CIBAR1: variants seen among roughly 807,000 people sequenced by gnomAD.
CIBAR1 encodes the protein CBY1-interacting BAR domain-containing protein 1.
CIBAR1 carries 25 observed loss-of-function variants against 44.0 expected under a neutral mutation model. The ratio of observed to expected loss-of-function variants is 0.57; its 90% CI spans 0.41 to 0.79. The LOEUF (loss-of-function observed/expected upper bound fraction) is 0.79, where lower values mean the gene tolerates loss of function less well. Among genes scored for constraint, CIBAR1 ranks in the 30% least tolerant of loss-of-function variants. The probability of loss-of-function intolerance (pLI) is 0.00; values close to 1 mark genes in which losing one functional copy is unlikely to be tolerated. For synonymous variants in CIBAR1, 115 were observed against 119.0 expected (o/e 0.97, Z 0.22); for missense variants, 278 against 344.8 (o/e 0.81, Z 1.53).
At chr8:93,704,856 C>A in intron 3 of CIBAR1, 53 bp from the exon 4 acceptor site, 3 of 1,096,982 alleles carry the variant, frequency 2.7e-6, no homozygotes, top group Non-Finnish European at 4.0e-6. Context: ...ATTCTTAAAA[C>A]TGAATTTTCT....
intron 4 of CIBAR1, chr8:93,706,208 C>T (rs1441159590): frequency 6.6e-6 from 1 of 152,126 alleles, no homozygotes. Flanking sequence ...TACAGAAGCC[C>T]AACTTTGTAC....
At chr8:93,710,822 G>A in intron 6 of CIBAR1, among the ~76,000 whole-genome samples, 1 of 141,866 alleles carries the variant, frequency 7.0e-6, no homozygotes, top group South Asian at 2.4e-4. Flanking sequence ...GGGTGACAGA[G>A]CGAGACTCTG....
Position 93,704,930 on chromosome 8 carries a change from A to C in CIBAR1, c.352A>C (p.Thr118Pro), listed in dbSNP as rs746802290. ...GCAGGATGACCTCAAAGCAACACTCACAGCAAGGAATCGAGAAGCTAAGCA... is the reference window on the plus strand; with the variant it reads ...GCAGGATGACCTCAAAGCAACACTCCCAGCAAGGAATCGAGAAGCTAAGCA... ...MKRDDLKATL[T>P]ARNREAKQLT... The change falls in exon 4 of 9, where the codon ACA becomes CCA. Residue 118 changes from threonine (T) to proline (P), a missense_variant. Thr to Pro is a conservative substitution (Grantham distance 38, BLOSUM62 -1). Transcript: ENST00000518322. The C allele has an allele frequency of 1.9e-5, 30 of 1,607,426 alleles. No individual in the cohort carries two copies. Among genetic ancestry groups the C allele is most frequent in the Non-Finnish European group, 2.4e-5 (28 of 1,177,766 alleles).
At position 93,701,221 on chromosome 8, in the gene CIBAR1, T is replaced by A; in HGVS notation, c.27-3T>A. The A allele has an allele frequency of 6.2e-7, 1 of 1,611,744 alleles. No individual in the cohort carries two copies. The highest frequency in any genetic ancestry group is 8.5e-7 in the Non-Finnish European group (1 of 1,178,880). On this transcript the variant is annotated splice_region_variant and splice_polypyrimidine_tract_variant and intron_variant, in intron 1 of 8. Coordinates refer to ENST00000518322, the MANE Select transcript of CIBAR1 (RefSeq NM_145269.5). ...TTTGCCTTTTGTGTCACCTTTTCCC[T>A]AGGAACGCTCAAACGAAACAACTGC...
chr8:93,701,022 G>T, intron 1 of CIBAR1: 1 of 1,429,996 alleles, frequency 7.0e-7, no homozygotes, highest in Non-Finnish European at 9.1e-7. Context: ...ACCCGGCCTG[G>T]GCCTTTTCCT....
At chr8:93,720,263 T>C (rs1586285152) in intron 7 of CIBAR1, 1 of 152,254 alleles carries the variant, frequency 6.6e-6, no homozygotes, top group African/African-American at 2.4e-5. Context: ...ATCACAGGCG[T>C]GAGCCACTGC....
In CIBAR1 at chr8:93,703,800, C is replaced by G. The variant is rs1810466342; in HGVS notation, c.330+112C>G. ...AAAGTAGTGGCCAAGAGTGGTGGCT[C>G]ATGCCTGTAATCCCAACACTTTGGG... On this transcript the variant is annotated intron_variant, in intron 3 of 8. Transcript: ENST00000518322. 3.5e-6 allele frequency: 3 copies of G among 861,622 alleles called. No individual in the cohort carries two copies. The East Asian group carries it at 9.0e-5, about 26-fold the overall frequency. 53.4% of individuals were successfully genotyped at this position (861,622 alleles called of 1,614,324 possible). A position where few individuals can be genotyped will look rare whatever the true frequency, so the allele number is the denominator to read the frequency against.
chr8:93,727,114 T>G, intron 8 of CIBAR1: 1 of 948,344 alleles, frequency 1.1e-6, no homozygotes, highest in Non-Finnish European at 1.5e-6. Flanking sequence ...CTAATAAAAT[T>G]CTATTTACAA....
chr8:93,712,191 T>C (rs1452670898), intron 6 of CIBAR1, among the ~76,000 whole-genome samples: 1 of 152,206 alleles, frequency 6.6e-6, no homozygotes, highest in Non-Finnish European at 1.5e-5. Context: ...TTGTCATCAC[T>C]TCAACCTTGT....
At chr8:93,710,309 G>T (rs1362268867) in intron 6 of CIBAR1, among the ~76,000 whole-genome samples, 1 of 145,236 alleles carries the variant, frequency 6.9e-6, no homozygotes, top group Non-Finnish European at 1.5e-5. Flanking sequence ...ACAACAAAAA[G>T]AAAACAGAAA....
chr8:93,709,895 G>C lies in CIBAR1; in HGVS notation c.543+20G>C. ...ATAAAGGTAATAAAGTAACTGTTAG[G>C]GTTCAAAACATGTTTTTAACCTTTT... On this transcript the variant is annotated intron_variant, in intron 6 of 8. Transcript: ENST00000518322. 1 of 1,537,386 alleles carries C rather than the reference G, an allele frequency of 6.5e-7. No individual in the cohort carries two copies. Among genetic ancestry groups the C allele is most frequent in the Non-Finnish European group, 8.9e-7 (1 of 1,127,746 alleles).
At chr8:93,701,627 G>A in intron 2 of CIBAR1, 169 bp downstream of exon 2, 1 of 645,810 alleles carries the variant, frequency 1.5e-6, no homozygotes, top group African/African-American at 1.8e-5. Flanking sequence ...GAAGCGTTCT[G>A]TGTTTTATTT....
chr8:93,706,646 C>T (rs181950837), intron 4 of CIBAR1, among the ~76,000 whole-genome samples: 22 of 152,202 alleles, frequency 1.4e-4, no homozygotes, highest in Non-Finnish European at 1.5e-5. Flanking sequence ...GTAAACACTG[C>T]TGTGGAAGGG....
At chr8:93,725,705 G>A (rs1428166743) in intron 7 of CIBAR1, 2 of 152,066 alleles carry the variant, frequency 1.3e-5, no homozygotes, top group Non-Finnish European at 2.9e-5. Flanking sequence ...TTGGTTAAAG[G>A]AAAAATGCAC....
intron 7 of CIBAR1, among the ~76,000 whole-genome samples, chr8:93,721,325 C>T (rs1811253979): frequency 6.6e-6 from 1 of 152,188 alleles, no homozygotes; most frequent in Non-Finnish European, 1.5e-5. Flanking sequence ...ATACCTTTGA[C>T]ATACCATTTG....
At chr8:93,711,463 T>A (rs1012492265) in intron 6 of CIBAR1, among the ~76,000 whole-genome samples, 1 of 152,224 alleles carries the variant, frequency 6.6e-6, no homozygotes, top group African/African-American at 2.4e-5. Context: ...TCACAGGCTC[T>A]GTACTCTTCT....
At chr8:93,725,093 C>T (rs1035555527) in intron 7 of CIBAR1, among the ~76,000 whole-genome samples, 4 of 152,124 alleles carry the variant, frequency 2.6e-5, no homozygotes, top group Non-Finnish European at 5.9e-5. Context: ...AGTGATTCTC[C>T]TGCGTCAGCC....
intron 1 of CIBAR1, 191 bp downstream of exon 1, chr8:93,700,864 G>A (rs1810313463): frequency 3.8e-6 from 5 of 1,309,572 alleles, no homozygotes; most frequent in South Asian, 2.5e-5. Flanking sequence ...GGAGCCCGGG[G>A]CCCGGCCGGC....
In CIBAR1 at chr8:93,703,549, A is replaced by G. The variant is rs1810456239; in HGVS notation, c.262-71A>G. On this transcript the variant is annotated intron_variant, in intron 2 of 8. Transcript: ENST00000518322. The stretch of plus-strand genomic sequence containing the variant: ...TAGATTCTGAGTCTTATCAATTTCT[A>G]GTGATTAGCCTTTTATTTATAGGTT... 5 of 854,590 alleles carry G rather than the reference A, an allele frequency of 5.9e-6. No individual in the cohort carries two copies. The South Asian group carries it at 7.5e-5, about 13-fold the overall frequency. 52.9% of individuals were successfully genotyped at this position (854,590 alleles called of 1,614,324 possible).
Sources: gnomAD v4.1 joint callset for allele counts (sites outside exome capture counted in the v4.1 genomes callset) on GRCh38, gnomAD v4.1.1 for gene constraint, MANE v1.5 for transcripts, NCBI Gene and HGNC (gene_info 2026-07-23, HGNC 2026-07-21) for gene names.